The following GPC5 variants were observed in gnomAD, a reference collection of about 807,000 sequenced individuals.
GPC5 encodes the protein glypican 5.
A neutral mutation model predicts 53.9 loss-of-function variants in GPC5; 47 were observed. That is an observed-to-expected ratio of 0.87 (90% confidence interval 0.69 to 1.11). GPC5 has a LOEUF of 1.11. GPC5 is among the 50% of genes most tolerant of loss of function. The pLI is 0.00. For synonymous variants in GPC5, 286 were observed against 263.3 expected (o/e 1.09, Z -0.84); for missense variants, 748 against 713.1 (o/e 1.05, Z -0.56).
At chr13:91,889,415 T>C (rs551736138) in intron 5 of GPC5, among the ~76,000 whole-genome samples, 34 of 152,336 alleles carry the variant, frequency 2.2e-4, no homozygotes, top group African/African-American at 7.0e-4. Context: ...TCAGTTTTAG[T>C]AATTAGTGTT....
At chr13:92,576,539 A>C (rs776773328) in intron 7 of GPC5, among the ~76,000 whole-genome samples, 4 of 152,222 alleles carry the variant, frequency 2.6e-5, no homozygotes, top group Non-Finnish European at 2.9e-5. Context: ...ATATTGCTTA[A>C]ATATCCTCCT....
intron 7 of GPC5, among the ~76,000 whole-genome samples, chr13:92,181,671 A>T (rs2042148183): frequency 6.6e-6 from 1 of 152,178 alleles, no homozygotes; most frequent in South Asian, 2.1e-4. Flanking sequence ...AGCAAAACAG[A>T]TACATAACCT....
At chr13:92,452,629 G>A (rs570911272) in intron 7 of GPC5, among the ~76,000 whole-genome samples, 3 of 151,836 alleles carry the variant, frequency 2.0e-5, no homozygotes, top group South Asian at 4.2e-4. Flanking sequence ...GTGCAGTGGC[G>A]CGATCTCAGC....
At chr13:91,530,368 C>T (rs1417450734) in intron 2 of GPC5, among the ~76,000 whole-genome samples, 1 of 152,172 alleles carries the variant, frequency 6.6e-6, no homozygotes, top group African/African-American at 2.4e-5. Flanking sequence ...AGATAATTTA[C>T]ACCATGACCA....
chr13:91,893,087 G>A (rs2039404742), intron 5 of GPC5, among the ~76,000 whole-genome samples: 2 of 152,004 alleles, frequency 1.3e-5, no homozygotes, highest in East Asian at 1.9e-4. Flanking sequence ...AGATGTAGCT[G>A]TTTTTATTAA....
intron 7 of GPC5, among the ~76,000 whole-genome samples, chr13:92,282,508 T>C (rs1159288111): frequency 1.3e-5 from 2 of 152,124 alleles, no homozygotes; most frequent in East Asian, 3.9e-4. Context: ...AAAGGTCGGA[T>C]TACCCACAAA....
At chr13:91,448,983 A>T (rs1880995077) in intron 2 of GPC5, 61 bp downstream of exon 2, 2 of 1,532,722 alleles carry the variant, frequency 1.3e-6, no homozygotes, top group Non-Finnish European at 1.8e-6. Flanking sequence ...TGCCTAAGAT[A>T]GTTACGTTGG....
chr13:91,972,697 A>G (rs1163721756), intron 6 of GPC5, among the ~76,000 whole-genome samples: 1 of 152,132 alleles, frequency 6.6e-6, no homozygotes, highest in African/African-American at 2.4e-5. Context: ...GCTTGTCTGT[A>G]AAGTATTTTA....
At chr13:92,305,440 T>C (rs1007256631) in intron 7 of GPC5, among the ~76,000 whole-genome samples, 2 of 152,334 alleles carry the variant, frequency 1.3e-5, no homozygotes, top group African/African-American at 4.8e-5. Flanking sequence ...AAAATATCTG[T>C]ACCCCAGCCT....
rs561451208 is a variant in GPC5, at chr13:92,674,238, C to T, written c.1562-192044C>T. Among the ~76,000 whole-genome samples the T allele has an allele frequency of 2.0e-5, 3 of 152,242 alleles. No individual in the cohort carries two copies. In the South Asian group the frequency reaches 6.2e-4, roughly 32 times the overall value. On this transcript the variant is annotated intron_variant, in intron 7 of 7. Coordinates refer to ENST00000377067, the MANE Select transcript of GPC5 (RefSeq NM_004466.6). ...TTCCTCTCACTGGGTTCATCTAATG[C>T]TTGTAACAAGCCTATACAGTCAGCA...
chr13:92,395,708 G>T (rs1011866455), intron 7 of GPC5, among the ~76,000 whole-genome samples: 9 of 151,910 alleles, frequency 5.9e-5, no homozygotes, highest in African/African-American at 2.2e-4. Flanking sequence ...TGGTTTGTGT[G>T]GGTTTTTGTT....
intron 7 of GPC5, among the ~76,000 whole-genome samples, chr13:92,474,666 G>A (rs1021380538): frequency 6.6e-6 from 1 of 151,226 alleles, no homozygotes; most frequent in African/African-American, 2.4e-5. Context: ...GTGGAAATTA[G>A]AAATACATAT....
At chr13:92,750,860 A>G (rs1325880772) in intron 7 of GPC5, among the ~76,000 whole-genome samples, 2 of 152,196 alleles carry the variant, frequency 1.3e-5, no homozygotes, top group Non-Finnish European at 2.9e-5. Context: ...TTTATAGTCA[A>G]GTATGATATG....
intron 6 of GPC5, among the ~76,000 whole-genome samples, chr13:92,043,280 T>C (rs765757330): frequency 6.6e-6 from 1 of 152,158 alleles, no homozygotes; most frequent in Non-Finnish European, 1.5e-5. Context: ...TAAATTTCAA[T>C]TGGGATGAGT....
At chr13:91,968,522 C>T (rs1209257545) in intron 6 of GPC5, among the ~76,000 whole-genome samples, 3 of 151,874 alleles carry the variant, frequency 2.0e-5, no homozygotes, top group Admixed American at 6.6e-5. Context: ...AGAGCAATGG[C>T]GCAATCTCGG....
At chr13:91,529,781 C>T (rs755881041) in intron 2 of GPC5, among the ~76,000 whole-genome samples, 6 of 152,092 alleles carry the variant, frequency 3.9e-5, no homozygotes, top group South Asian at 4.2e-4. Context: ...TGGGGATTTT[C>T]CCCTGGGAGC....
At chr13:92,771,599 T>A (rs764782757) in intron 7 of GPC5, among the ~76,000 whole-genome samples, 1 of 152,120 alleles carries the variant, frequency 6.6e-6, no homozygotes, top group Non-Finnish European at 1.5e-5. Context: ...TGCCTCGGCC[T>A]CCCAAAGTGC....
At chr13:91,850,654 C>T (rs1374799640) in intron 5 of GPC5, among the ~76,000 whole-genome samples, 1 of 152,004 alleles carries the variant, frequency 6.6e-6, no homozygotes, top group Non-Finnish European at 1.5e-5. Context: ...AGGTCCTCTT[C>T]CTTTTTTTTC....
At chr13:92,425,010 T>C (rs1430309722) in intron 7 of GPC5, among the ~76,000 whole-genome samples, 1 of 152,068 alleles carries the variant, frequency 6.6e-6, no homozygotes, top group African/African-American at 2.4e-5. Flanking sequence ...AAATGAAGCC[T>C]TTTGTTACAC....
Sources: allele counts gnomAD v4.1 joint callset (sites outside exome capture counted in the v4.1 genomes callset), GRCh38; gene constraint gnomAD v4.1.1; transcripts MANE v1.5; gene names NCBI Gene and HGNC (gene_info 2026-07-23, HGNC 2026-07-21).